The following ELAVL4 variants were observed in gnomAD, a reference collection of about 807,000 sequenced individuals.
The protein encoded by ELAVL4 is ELAV-like protein 4.
Under a neutral mutation model 35.6 loss-of-function variants are expected in ELAVL4, and 1 was observed. The observed-to-expected ratio is 0.03, with a 90% CI of 0.01 to 0.13. The LOEUF (loss-of-function observed/expected upper bound fraction) is 0.13. ELAVL4 is among the 10% of genes least tolerant of loss of function. ELAVL4 has a pLI of 1.00. For missense variants in ELAVL4, 267 were observed against 464.9 expected, an observed-to-expected ratio of 0.57 and a Z score of 3.91; for synonymous variants, 156 against 171.0, an observed-to-expected ratio of 0.91 and a Z score of 0.69.
intron 1 of ELAVL4, among the ~76,000 whole-genome samples, chr1:50,050,169 C>T (rs952119176): frequency 3.3e-5 from 5 of 152,210 alleles, no homozygotes; most frequent in East Asian, 1.9e-4. Context: ...ATACCAACCT[C>T]GTAAAGTTGA....
chr1:50,193,978 A>G (rs1683064100), intron 4 of ELAVL4, 60 bp downstream of exon 4: 1 of 1,584,812 alleles, frequency 6.3e-7, no homozygotes, highest in Admixed American at 1.7e-5. Context: ...CCTGTTACTC[A>G]TAAGAGCAGA....
intron 2 of ELAVL4, among the ~76,000 whole-genome samples, chr1:50,151,701 G>A (rs905269081): frequency 2.6e-5 from 4 of 152,196 alleles, no homozygotes; most frequent in Non-Finnish European, 4.4e-5. Context: ...TTAGTACAAT[G>A]TGATGTATCT....
At chr1:50,169,238 G>A (rs996476305) in intron 2 of ELAVL4, among the ~76,000 whole-genome samples, 1 of 151,978 alleles carries the variant, frequency 6.6e-6, no homozygotes, top group Non-Finnish European at 1.5e-5. Flanking sequence ...CTGTTTAGAT[G>A]GTGCCCACCA....
chr1:50,093,887 T>C (rs1665599811), intron 1 of ELAVL4, among the ~76,000 whole-genome samples: 1 of 152,246 alleles, frequency 6.6e-6, no homozygotes, highest in Non-Finnish European at 1.5e-5. Flanking sequence ...ATGATTATAA[T>C]GAGTAAATGA....
At chr1:50,175,415 C>T (rs1467891065) in intron 2 of ELAVL4, 1 of 152,160 alleles carries the variant, frequency 6.6e-6, no homozygotes, top group East Asian at 1.9e-4. Flanking sequence ...CACACACACA[C>T]ACACACACGC....
At chr1:50,051,025 A>C (rs902578742) in intron 1 of ELAVL4, among the ~76,000 whole-genome samples, 15 of 152,156 alleles carry the variant, frequency 9.9e-5, no homozygotes, top group African/African-American at 3.6e-4. Flanking sequence ...TCTATCGTAA[A>C]TATGCTGTTA....
At chr1:50,089,158 G>A (rs1665381610) in intron 1 of ELAVL4, among the ~76,000 whole-genome samples, 3 of 152,164 alleles carry the variant, frequency 2.0e-5, no homozygotes, top group Non-Finnish European at 4.4e-5. Context: ...TGGCTTTGTA[G>A]AATTCTCAAT....
chr1:50,058,346 C>G (rs1663786359), intron 1 of ELAVL4, among the ~76,000 whole-genome samples: 1 of 152,124 alleles, frequency 6.6e-6, no homozygotes, highest in Non-Finnish European at 1.5e-5. Context: ...GATTGACATT[C>G]AGCAGGGGTA....
intron 1 of ELAVL4, chr1:50,115,350 C>A (rs1397853184): frequency 1.3e-5 from 2 of 151,860 alleles, no homozygotes; most frequent in African/African-American, 2.4e-5. Flanking sequence ...TTTGTGCTTG[C>A]GTTTTTGTTT....
chr1:50,099,992 G>C (rs985615625), upstream of ELAVL4, among the ~76,000 whole-genome samples: 1 of 152,198 alleles, frequency 6.6e-6, no homozygotes, highest in Non-Finnish European at 1.5e-5. Flanking sequence ...GAGTAACACA[G>C]AAAATAAGAC....
chr1:50,156,674 C>G (rs1220633079), intron 2 of ELAVL4, among the ~76,000 whole-genome samples: 1 of 152,142 alleles, frequency 6.6e-6, no homozygotes, highest in African/African-American at 2.4e-5. Flanking sequence ...TTAGTGACCC[C>G]CTTATTTAGA....
chr1:50,083,295 A>G (rs1164581554), intron 1 of ELAVL4, among the ~76,000 whole-genome samples: 1 of 152,012 alleles, frequency 6.6e-6, no homozygotes, highest in Non-Finnish European at 1.5e-5. Flanking sequence ...CAAACCCCCA[A>G]TGTCAAGTGA....
chr1:50,165,794 A>ATG (rs1557817339), intron 2 of ELAVL4, among the ~76,000 whole-genome samples: 2 of 96,160 alleles, frequency 2.1e-5, no homozygotes. Context: ...GTGTATATAT[A>ATG]TGTGTATATG....
intron 1 of ELAVL4, among the ~76,000 whole-genome samples, chr1:50,119,088 G>GAAAGAAAGAAAGAAAGAA (rs1553170372): frequency 1.5e-5 from 2 of 129,052 alleles, no homozygotes; most frequent in African/African-American, 6.1e-5. Flanking sequence ...AAGAAAGAAA[G>GAAAGAAAGAAAGAAAGAA]AAAGAAAAAG....
chr1:50,161,557 A>G (rs897698025), intron 2 of ELAVL4, among the ~76,000 whole-genome samples: 1 of 152,226 alleles, frequency 6.6e-6, no homozygotes, highest in African/African-American at 2.4e-5. Context: ...GAACAAACAG[A>G]AGAAAAATCA....
chr1:50,097,752 T>C (rs1331976824), intron 1 of ELAVL4, among the ~76,000 whole-genome samples: 1 of 152,230 alleles, frequency 6.6e-6, no homozygotes, highest in Non-Finnish European at 1.5e-5. Context: ...TTTGGCTAAC[T>C]ACTGACACTA....
chr1:50,111,358 G>A (rs1406201477), intron 1 of ELAVL4, among the ~76,000 whole-genome samples: 1 of 151,804 alleles, frequency 6.6e-6, no homozygotes, highest in Non-Finnish European at 1.5e-5. Flanking sequence ...GTTGACGGAA[G>A]CATAATAGTG....
chr1:50,123,035 G>C (rs1408209564), intron 1 of ELAVL4, among the ~76,000 whole-genome samples: 2 of 152,074 alleles, frequency 1.3e-5, no homozygotes, highest in Non-Finnish European at 2.9e-5. Context: ...GCTGTGAGAA[G>C]TGGGATTCAG....
intron 3 of ELAVL4, 108 bp from the exon 4 acceptor site, chr1:50,193,657 C>T (rs917234129): frequency 1.5e-6 from 2 of 1,363,568 alleles, no homozygotes; most frequent in African/African-American, 1.5e-5. Context: ...TAAACTGACA[C>T]CATGAGTTGT....
Sources: gnomAD v4.1 joint callset for allele counts (sites outside exome capture counted in the v4.1 genomes callset) on GRCh38, gnomAD v4.1.1 for gene constraint, MANE v1.5 for transcripts, NCBI Gene and HGNC (gene_info 2026-07-23, HGNC 2026-07-21) for gene names.